MOXD1: variants seen among roughly 807,000 people sequenced by gnomAD.
MOXD1 encodes DBH-like monooxygenase protein 1.
A neutral mutation model predicts 66.6 loss-of-function variants in MOXD1; 62 were observed. The observed-to-expected ratio is 0.93, with a 90% CI of 0.76 to 1.15. MOXD1 has a LOEUF of 1.15. Among genes scored for constraint, MOXD1 ranks in the 50% most tolerant of loss-of-function variants. MOXD1 has a pLI of 0.00. For missense variants in MOXD1, 847 were observed against 754.6 expected (o/e 1.12, Z -1.44); for synonymous variants, 303 against 281.9 (o/e 1.07, Z -0.75).
intron 4 of MOXD1, among the ~76,000 whole-genome samples, chr6:132,350,788 C>A (rs1303227318): frequency 6.6e-6 from 1 of 152,180 alleles, no homozygotes; most frequent in Non-Finnish European, 1.5e-5. Context: ...TTTGTGTCAT[C>A]TGTGATTTCT....
At chr6:132,306,764 GC>G (rs1208464297) in intron 10 of MOXD1, among the ~76,000 whole-genome samples, 1 of 152,132 alleles carries the variant, frequency 6.6e-6, no homozygotes, top group South Asian at 2.1e-4. Flanking sequence ...GCAAAACTAA[GC>G]TTTTTAAGTG....
At chr6:132,386,434 A>AAAAC (rs1776643965) in intron 1 of MOXD1, among the ~76,000 whole-genome samples, 3 of 111,842 alleles carry the variant, frequency 2.7e-5, no homozygotes, top group Admixed American at 2.7e-4. Context: ...AAAACAAAAC[A>AAAAC]AAAAAAAAAA....
At chr6:132,355,422 GT>G (rs1336388516) in intron 4 of MOXD1, among the ~76,000 whole-genome samples, 1 of 152,140 alleles carries the variant, frequency 6.6e-6, no homozygotes, top group Non-Finnish European at 1.5e-5. Context: ...ACCTTCAGGG[GT>G]TGGAGTCTAT....
intron 1 of MOXD1, among the ~76,000 whole-genome samples, chr6:132,388,332 C>T (rs1776691826): frequency 6.6e-6 from 1 of 151,382 alleles, no homozygotes. Flanking sequence ...AAGGAGTTTG[C>T]CAAGGGCCAC....
intron 4 of MOXD1, among the ~76,000 whole-genome samples, chr6:132,366,303 A>G (rs1776138815): frequency 6.6e-6 from 1 of 152,166 alleles, no homozygotes; most frequent in South Asian, 2.1e-4. Context: ...ATAAGTAAGA[A>G]GAAAAAATTC....
intron 8 of MOXD1, among the ~76,000 whole-genome samples, chr6:132,321,895 T>A (rs1582569345): frequency 6.6e-6 from 1 of 152,340 alleles, no homozygotes; most frequent in South Asian, 2.1e-4. Context: ...TTCCTCTTTA[T>A]CACTTTCTTC....
chr6:132,376,503 T>TATATGCACCAGGCCCTGTTTACACC (rs1776382354), intron 1 of MOXD1, among the ~76,000 whole-genome samples: 2 of 70,192 alleles, frequency 2.8e-5, no homozygotes, highest in Admixed American at 1.3e-4. Flanking sequence ...TACAGCTTCT[T>TATATGCACCAGGCCCTGTTTACACC]TTTTTTTTTT....
intron 10 of MOXD1, among the ~76,000 whole-genome samples, chr6:132,311,899 C>T (rs981436502): frequency 6.6e-6 from 1 of 151,818 alleles, no homozygotes; most frequent in Non-Finnish European, 1.5e-5. Context: ...ATAATAAGCA[C>T]GTGTGAGTTT....
chr6:132,369,950 A>T (rs576714696), intron 4 of MOXD1, among the ~76,000 whole-genome samples: 16 of 152,272 alleles, frequency 1.1e-4, no homozygotes, highest in African/African-American at 3.9e-4. Flanking sequence ...GCAAATACAA[A>T]CAAATTCTTT....
At chr6:132,352,439 T>A (rs1008937232) in intron 4 of MOXD1, among the ~76,000 whole-genome samples, 2 of 152,246 alleles carry the variant, frequency 1.3e-5, no homozygotes, top group African/African-American at 4.8e-5. Context: ...ATTTGCATAG[T>A]TTTGAAGGTT....
intron 4 of MOXD1, among the ~76,000 whole-genome samples, chr6:132,349,422 CATAT>C (rs1298306384): frequency 0.011 from 404 of 36,794 alleles, 37 homozygotes; most frequent in Middle Eastern, 0.069. Context: ...TATATATATA[CATAT>C]ATATATATAC....
rs1330448043 is a variant in MOXD1 at position 132,374,550 on chromosome 6, T to C, written c.411+81A>G. The C allele has an allele frequency of 4.1e-6, 5 of 1,208,492 alleles. 1 individual carries two copies. The South Asian group carries it at 5.8e-5, about 14-fold the overall frequency. The allele number at this position is 1,208,492 out of a possible 1,614,324, so 74.9% of individuals were successfully genotyped here. A position where few individuals can be genotyped will look rare whatever the true frequency, so the allele number is the denominator to read the frequency against. ...ATATTAGAAAAAAGACTATATGACT[T>C]GTTTCTCTTATTCTTTAAAGTGCTT... On this transcript the variant is annotated intron_variant, in intron 2 of 11. Transcript: ENST00000367963.
chr6:132,327,865 T>A, intron 6 of MOXD1, 148 bp downstream of exon 6: 1 of 609,322 alleles, frequency 1.6e-6, no homozygotes, highest in East Asian at 2.9e-5. Flanking sequence ...CCACTTTCAC[T>A]TTAAAAAGTA....
Position 132,392,334 on chromosome 6 carries a change from T to C in MOXD1, c.264+8829A>G, listed in dbSNP as rs564088991. On this transcript the variant is annotated intron_variant, in intron 1 of 11. Transcript: ENST00000367963. The stretch of plus-strand genomic sequence containing the variant: ...ATGATAACATATGTTTCAGCCTCCA[T>C]TCACCAGCGATTTATACCCCCATAA... 9.5e-5 allele frequency: 148 copies of C among 1,564,360 alleles called. No homozygotes were observed. The African/African-American group carries it at 1.9e-3, about 20-fold the overall frequency.
intron 10 of MOXD1, among the ~76,000 whole-genome samples, chr6:132,299,436 A>C (rs1354550441): frequency 6.6e-6 from 1 of 152,042 alleles, no homozygotes; most frequent in Non-Finnish European, 1.5e-5. Context: ...ATAAAAGTTG[A>C]AATTTTAAAA....
At chr6:132,371,937 G>A (rs1776270103) in intron 4 of MOXD1, among the ~76,000 whole-genome samples, 1 of 152,166 alleles carries the variant, frequency 6.6e-6, no homozygotes, top group African/African-American at 2.4e-5. Flanking sequence ...TTCTTTGAGA[G>A]CATGGATCAT....
chr6:132,362,775 A>G (rs907604290), intron 4 of MOXD1, among the ~76,000 whole-genome samples: 2 of 152,200 alleles, frequency 1.3e-5, no homozygotes, highest in African/African-American at 4.8e-5. Flanking sequence ...CGTGTCCAAT[A>G]AGATTAGCAG....
At chr6:132,356,971 G>A (rs1775921186) in intron 4 of MOXD1, among the ~76,000 whole-genome samples, 1 of 151,774 alleles carries the variant, frequency 6.6e-6, no homozygotes, top group Non-Finnish European at 1.5e-5. Context: ...TACTTATTAT[G>A]AGAAGTATAT....
intron 4 of MOXD1, among the ~76,000 whole-genome samples, chr6:132,352,331 T>C (rs1258119328): frequency 6.6e-6 from 1 of 152,154 alleles, no homozygotes. Flanking sequence ...ATAGGTTGTG[T>C]CATTATTGTC....
Sources: gnomAD v4.1 joint callset for allele counts (sites outside exome capture counted in the v4.1 genomes callset) on GRCh38, gnomAD v4.1.1 for gene constraint, MANE v1.5 for transcripts, NCBI Gene and HGNC (gene_info 2026-07-23, HGNC 2026-07-21) for gene names.